SGPP2: variants seen among roughly 807,000 people sequenced by gnomAD.
SGPP2 encodes sphingosine-1-phosphate phosphatase 2.
In SGPP2, 30 loss-of-function variants were observed where a neutral mutation model predicts 33.9. The ratio of observed to expected loss-of-function variants is 0.89; its 90% CI spans 0.66 to 1.20. The LOEUF is 1.20. Among genes scored for constraint, SGPP2 ranks in the 50% most tolerant of loss-of-function variants. The probability of loss-of-function intolerance (pLI) is 0.00; values close to 1 mark genes in which losing one functional copy is unlikely to be tolerated. For synonymous variants in SGPP2, 233 were observed against 225.0 expected, an observed-to-expected ratio of 1.04 and a Z score of -0.32; for missense variants, 458 against 532.1, an observed-to-expected ratio of 0.86 and a Z score of 1.37.
chr2:222,439,283 G>T (rs1420469281), intron 1 of SGPP2, among the ~76,000 whole-genome samples: 1 of 152,122 alleles, frequency 6.6e-6, no homozygotes, highest in Non-Finnish European at 1.5e-5. Flanking sequence ...TCCTCAAGGG[G>T]ACCTGGCCTC....
intron 2 of SGPP2, among the ~76,000 whole-genome samples, chr2:222,509,744 T>G (rs1029963044): frequency 6.6e-6 from 1 of 152,250 alleles, no homozygotes; most frequent in East Asian, 1.9e-4. Flanking sequence ...CTCATTTCTC[T>G]TTCTTTTTAA....
chr2:222,534,452 AT>A (rs58556549), intron 4 of SGPP2, among the ~76,000 whole-genome samples: 55,409 of 151,520 alleles, frequency 0.37, 10,243 homozygotes, highest in Non-Finnish European at 0.38. Context: ...TTATTCATTT[AT>A]TTTTTTTTCC....
chr2:222,556,381 A>T (rs1226188681), intron 4 of SGPP2, among the ~76,000 whole-genome samples: 3 of 151,840 alleles, frequency 2.0e-5, no homozygotes, highest in African/African-American at 2.4e-5. Flanking sequence ...AAAGCCCTGG[A>T]GCCAGGTGCA....
chr2:222,558,504 A>G lies in SGPP2; in HGVS notation c.806A>G (p.Tyr269Cys). 1 of 1,614,154 alleles carries G rather than the reference A, an allele frequency of 6.2e-7. No individual in the cohort carries two copies. Among genetic ancestry groups the G allele is most frequent in the Non-Finnish European group, 8.5e-7 (1 of 1,180,026 alleles). Residue 269 changes from tyrosine to cysteine, a missense_variant, in exon 5 of 5, where the codon TAC (tyrosine) becomes TGC (cysteine). Transcript: ENST00000321276. The stretch of plus-strand genomic sequence containing the variant: ...TGTTACAATTACCCTGTTTCTGATT[A>G]CTACAGCCCAACCCGGGCGGACACC... ...FLCYNYPVSD[Y>C]YSPTRADTTT...
At chr2:222,497,828 G>A (rs1294254010) in intron 2 of SGPP2, among the ~76,000 whole-genome samples, 1 of 152,218 alleles carries the variant, frequency 6.6e-6, no homozygotes, top group Non-Finnish European at 1.5e-5. Context: ...TGAGGGAAGA[G>A]CAGAAACCTA....
In SGPP2 at chr2:222,476,355, G is replaced by A. The variant is rs903866407; in HGVS notation, c.378+1629G>A. ...ATCCACACAAATTCTTCACCAGGTG[G>A]TGACAGAGGGACTAGGGAGCAACTG... On this transcript the variant is annotated intron_variant, in intron 2 of 4. Coordinates refer to ENST00000321276, the MANE Select transcript of SGPP2 (RefSeq NM_152386.4). The surrounding 1 kb of genome is among the most constrained non-coding windows in gnomAD (Gnocchi z 4.3). 2.6e-5 allele frequency among the ~76,000 whole-genome samples: 4 copies of A among 152,142 alleles called. No homozygotes were observed. Among genetic ancestry groups the A allele is most frequent in the Admixed American group, 2.6e-4 (4 of 15,280 alleles).
intron 1 of SGPP2, among the ~76,000 whole-genome samples, chr2:222,432,410 C>T (rs1031433922): frequency 6.6e-6 from 1 of 152,166 alleles, no homozygotes; most frequent in African/African-American, 2.4e-5. Flanking sequence ...ATCATAGGAT[C>T]CCATCATTAT....
At chr2:222,501,376 A>G (rs1013643343) in intron 2 of SGPP2, among the ~76,000 whole-genome samples, 1 of 152,168 alleles carries the variant, frequency 6.6e-6, no homozygotes, top group Non-Finnish European at 1.5e-5. Context: ...TCTATTAAGA[A>G]CAAAAACCTG....
chr2:222,436,560 T>C (rs911576386), intron 1 of SGPP2, among the ~76,000 whole-genome samples: 7 of 152,170 alleles, frequency 4.6e-5, no homozygotes, highest in African/African-American at 1.4e-4. Flanking sequence ...GGGAACATGG[T>C]ACGACCAATG....
intron 2 of SGPP2, among the ~76,000 whole-genome samples, chr2:222,490,498 A>G (rs937766596): frequency 1.2e-4 from 19 of 152,154 alleles, no homozygotes; most frequent in Admixed American, 6.5e-5. Context: ...GTGCAATCAC[A>G]GGTCACTGCA....
At chr2:222,491,912 T>G (rs923153351) in intron 2 of SGPP2, among the ~76,000 whole-genome samples, 4 of 152,182 alleles carry the variant, frequency 2.6e-5, no homozygotes, top group African/African-American at 9.7e-5. Flanking sequence ...GGTAAATACA[T>G]TCATTCCAAA....
chr2:222,437,469 G>C (rs939738053), intron 1 of SGPP2, among the ~76,000 whole-genome samples: 4 of 152,202 alleles, frequency 2.6e-5, no homozygotes, highest in African/African-American at 9.7e-5. Flanking sequence ...CCAGGCCCTA[G>C]TCTTCTCTTC....
intron 1 of SGPP2, among the ~76,000 whole-genome samples, chr2:222,472,586 A>C (rs1413553563): frequency 6.6e-6 from 1 of 152,196 alleles, no homozygotes; most frequent in Non-Finnish European, 1.5e-5. Flanking sequence ...AATTGTAGAA[A>C]CGTAAGCTGG....
At chr2:222,512,167 A>C (rs979122100) in intron 2 of SGPP2, among the ~76,000 whole-genome samples, 1 of 151,648 alleles carries the variant, frequency 6.6e-6, no homozygotes, top group Non-Finnish European at 1.5e-5. Context: ...GCCCGCCACC[A>C]CGCCCAGCTA....
intron 2 of SGPP2, among the ~76,000 whole-genome samples, chr2:222,505,558 T>C (rs1173415126): frequency 2.0e-5 from 3 of 152,184 alleles, no homozygotes; most frequent in African/African-American, 4.8e-5. Context: ...AGGTATGTCA[T>C]GAATGCATAA....
At chr2:222,445,078 A>C (rs998615856) in intron 1 of SGPP2, among the ~76,000 whole-genome samples, 1 of 152,164 alleles carries the variant, frequency 6.6e-6, no homozygotes, top group Admixed American at 6.5e-5. Flanking sequence ...AAGTTATGAG[A>C]ATAAGGCCAC....
At chr2:222,513,049 C>T (rs937314850) in intron 2 of SGPP2, among the ~76,000 whole-genome samples, 21 of 152,080 alleles carry the variant, frequency 1.4e-4, no homozygotes, top group African/African-American at 4.8e-4. Context: ...AAGAAACTGC[C>T]ATACCATCTT....
intron 2 of SGPP2, among the ~76,000 whole-genome samples, chr2:222,479,564 G>T (rs949965745): frequency 6.6e-6 from 1 of 151,434 alleles, no homozygotes; most frequent in Non-Finnish European, 1.5e-5. Context: ...CCCCACGCCC[G>T]GCTAATTTTT....
chr2:222,477,377 G>A lies in SGPP2; in HGVS notation c.378+2651G>A, dbSNP rs111209743. ...TATATATGTGTATGTGTGTATATAGGTGTGTATATATGTGTATAGGTGTGT... is the reference window on the plus strand; with the variant it reads ...TATATATGTGTATGTGTGTATATAGATGTGTATATATGTGTATAGGTGTGT... On this transcript the variant is annotated intron_variant, in intron 2 of 4. Transcript: ENST00000321276. This position sits in a 1 kb window ranked among gnomAD's most constrained non-coding sequence, Gnocchi z 6.0. 0.11 allele frequency among the ~76,000 whole-genome samples: 16,903 copies of A among 151,022 alleles called. 1,283 individuals are homozygous for A. The highest frequency in any genetic ancestry group is 0.23 in the South Asian group (1,118 of 4,810).
Sources: gnomAD v4.1 joint callset for allele counts (sites outside exome capture counted in the v4.1 genomes callset) on GRCh38, gnomAD v4.1.1 for gene constraint, Gnocchi (gnomAD v3.1) non-coding constraint, MANE v1.5 for transcripts, NCBI Gene and HGNC (gene_info 2026-07-23, HGNC 2026-07-21) for gene names.